The following BRD4 variants were observed in gnomAD, a reference collection of about 807,000 sequenced individuals.
The protein encoded by BRD4 is bromodomain-containing protein 4.
In BRD4, 16 loss-of-function variants were observed where a neutral mutation model predicts 142.1. That is an observed-to-expected ratio of 0.11 (90% CI 0.08 to 0.17). The LOEUF is 0.17. Ranked by LOEUF, BRD4 falls within the 10% of genes least tolerant of loss-of-function variation. BRD4 has a pLI of 1.00. For synonymous variants in BRD4, 833 were observed against 707.5 expected, an observed-to-expected ratio of 1.18 and a Z score of -2.82; for missense variants, 1,424 against 1,810.9, an observed-to-expected ratio of 0.79 and a Z score of 3.88.
intron 1 of BRD4, among the ~76,000 whole-genome samples, chr19:15,305,922 C>T (rs910266158): frequency 1.3e-5 from 2 of 152,202 alleles, no homozygotes; most frequent in African/African-American, 4.8e-5. Context: ...TCACCTTGCA[C>T]TTTTATGTTT....
At chr19:15,292,496 G>A (rs1488703417) in intron 1 of BRD4, among the ~76,000 whole-genome samples, 1 of 152,148 alleles carries the variant, frequency 6.6e-6, no homozygotes, top group Non-Finnish European at 1.5e-5. Flanking sequence ...TGAAAAGCCT[G>A]GGCCGGGCGC....
At chr19:15,298,620 C>CAAAAAAAAAAAAAAAAAAAAAA (rs57719337) in intron 1 of BRD4, among the ~76,000 whole-genome samples, 1 of 66,038 alleles carries the variant, frequency 1.5e-5, no homozygotes, top group Non-Finnish European at 2.8e-5. Context: ...GACTCCAACT[C>CAAAAAAAAAAAAAAAAAAAAAA]AAAAAAAAAA....
At chr19:15,293,279 A>C (rs1003259330) in intron 1 of BRD4, among the ~76,000 whole-genome samples, 2 of 152,184 alleles carry the variant, frequency 1.3e-5, no homozygotes, top group Non-Finnish European at 2.9e-5. Flanking sequence ...TGGCTACCTG[A>C]GCCCAAACCA....
Position 15,256,249 on chromosome 19 carries a change from G to A in BRD4, c.1566C>T (p.His522=), listed in dbSNP as rs193215766. 1.3e-4 allele frequency: 214 copies of A among 1,612,390 alleles called. 1 individual carries two copies. In the East Asian group the frequency reaches 4.0e-3, roughly 30 times the overall value. ...AELQEQLKAV[H]EQLAALSQPQ... ...GCTGAGAGAGGGCTGCAAGCTGCTCGTGCACGGCTTTGAGCTGTAGACCAG... is the reference window on the plus strand; with the variant it reads ...GCTGAGAGAGGGCTGCAAGCTGCTCATGCACGGCTTTGAGCTGTAGACCAG... The change falls in exon 9 of 20, where the codon CAC becomes CAT. Residue 522 remains histidine (H), a synonymous_variant. Coordinates refer to ENST00000679869, the MANE Select transcript of BRD4 (RefSeq NM_001379291.1).
chr19:15,256,542 GGCCATCCTGA>G, intron 8 of BRD4, among the ~76,000 whole-genome samples: 1 of 152,286 alleles, frequency 6.6e-6, no homozygotes, highest in Admixed American at 6.5e-5. Context: ...CAAGTCTCAC[GGCCATCCTGA>G]TCGCAGAAGG....
intron 1 of BRD4, among the ~76,000 whole-genome samples, chr19:15,281,647 G>C (rs1301601671): frequency 6.6e-6 from 1 of 152,188 alleles, no homozygotes; most frequent in Non-Finnish European, 1.5e-5. Context: ...AAATCTGGGC[G>C]GATGGATTCA....
chr19:15,287,100 T>C (rs1305164850), intron 1 of BRD4, among the ~76,000 whole-genome samples: 1 of 152,182 alleles, frequency 6.6e-6, no homozygotes, highest in Non-Finnish European at 1.5e-5. Context: ...AAAGAAAACA[T>C]TAACATAGCA....
chr19:15,288,168 T>C (rs1023844987), intron 1 of BRD4, among the ~76,000 whole-genome samples: 3 of 152,252 alleles, frequency 2.0e-5, no homozygotes, highest in African/African-American at 7.2e-5. Flanking sequence ...TTTTGGCTAC[T>C]GTGTATAGGG....
At chr19:15,250,580 C>T (rs1311868280) in intron 11 of BRD4, among the ~76,000 whole-genome samples, 2 of 152,232 alleles carry the variant, frequency 1.3e-5, no homozygotes, top group Non-Finnish European at 2.9e-5. Context: ...CTGGACTGCG[C>T]TCCCGTTCCA....
At chr19:15,308,751 C>G (rs1022537764) in intron 1 of BRD4, among the ~76,000 whole-genome samples, 4 of 152,056 alleles carry the variant, frequency 2.6e-5, no homozygotes, top group Non-Finnish European at 5.9e-5. Flanking sequence ...CGCGGTGGCT[C>G]AAACTTGTAA....
intron 1 of BRD4, among the ~76,000 whole-genome samples, chr19:15,298,676 C>A: frequency 6.8e-6 from 1 of 146,518 alleles, no homozygotes; most frequent in African/African-American, 2.5e-5. Context: ...TGGTCACATC[C>A]CTTCTCTCCT....
intron 14 of BRD4, among the ~76,000 whole-genome samples, chr19:15,241,478 G>A (rs1224789938): frequency 2.6e-5 from 4 of 152,190 alleles, no homozygotes; most frequent in Non-Finnish European, 5.9e-5. Context: ...TTGGCTTTTG[G>A]CCTACAAAGC....
At chr19:15,249,166 C>G in intron 11 of BRD4, 1 of 1,563,464 alleles carries the variant, frequency 6.4e-7, no homozygotes, top group East Asian at 2.3e-5. Flanking sequence ...CTGAGGAATT[C>G]CATAACTTGA....
intron 7 of BRD4, 178 bp from the exon 8 acceptor site, chr19:15,257,351 C>T: frequency 1.7e-6 from 1 of 597,936 alleles, no homozygotes; most frequent in African/African-American, 1.9e-5. Flanking sequence ...GGGCCTCTGA[C>T]AACTCTTGCA....
chr19:15,249,296 T>C (rs780279627), intron 11 of BRD4: 19 of 1,613,782 alleles, frequency 1.2e-5, no homozygotes, highest in South Asian at 2.2e-5. Flanking sequence ...AGGACCTACG[T>C]AGAGGGAGAG....
chr19:15,262,280 G>A (rs1568386865), intron 7 of BRD4, among the ~76,000 whole-genome samples: 1 of 152,178 alleles, frequency 6.6e-6, no homozygotes, highest in Non-Finnish European at 1.5e-5. Context: ...GTGTGCAGAA[G>A]CCCGCTGAGG....
chr19:15,242,870 C>A, intron 14 of BRD4, 30 bp downstream of exon 14: 1 of 1,588,934 alleles, frequency 6.3e-7, no homozygotes, highest in Non-Finnish European at 8.6e-7. Context: ...GCACCAGCCT[C>A]CCCAGAGTCT....
chr19:15,314,964 A>G (rs554530938), intron 1 of BRD4, among the ~76,000 whole-genome samples: 3 of 152,370 alleles, frequency 2.0e-5, no homozygotes, highest in South Asian at 2.1e-4. Flanking sequence ...AGTGTGTCAC[A>G]GAACCCAGGA....
chr19:15,274,412 G>T (rs1160652193), intron 1 of BRD4, among the ~76,000 whole-genome samples: 1 of 152,206 alleles, frequency 6.6e-6, no homozygotes, highest in Non-Finnish European at 1.5e-5. Context: ...TGGAAGCCTG[G>T]ATCCCAAGAT....
Sources: gnomAD v4.1 joint callset for allele counts (sites outside exome capture counted in the v4.1 genomes callset) on GRCh38, gnomAD v4.1.1 for gene constraint, MANE v1.5 for transcripts, NCBI Gene and HGNC (gene_info 2026-07-23, HGNC 2026-07-21) for gene names.